SLC35B3: variants seen among roughly 807,000 people sequenced by gnomAD.
SLC35B3 encodes solute carrier family 35 member B3, also known as adenosine 3'-phospho 5'-phosphosulfate transporter 2.
A neutral mutation model predicts 44.1 loss-of-function variants in SLC35B3; 35 were observed. The ratio of observed to expected loss-of-function variants is 0.79; its 90% CI spans 0.61 to 1.05. The LOEUF (loss-of-function observed/expected upper bound fraction) is 1.05. Among genes scored for constraint, SLC35B3 ranks in the 50% least tolerant of loss-of-function variants. SLC35B3 has a pLI of 0.00. For synonymous variants in SLC35B3, 146 were observed against 167.3 expected, an observed-to-expected ratio of 0.87 and a Z score of 0.98; for missense variants, 414 against 476.4, an observed-to-expected ratio of 0.87 and a Z score of 1.22.
chr6:8,422,789 G>A (rs1763021915), intron 4 of SLC35B3, among the ~76,000 whole-genome samples, 165 bp from the exon 4 acceptor site: 1 of 151,958 alleles, frequency 6.6e-6, no homozygotes, highest in Non-Finnish European at 1.5e-5. Flanking sequence ...TAATGCTCTT[G>A]TATAAAAAAG....
In SLC35B3 at chr6:8,413,227, A is replaced by C. The variant is rs1762118525; in HGVS notation, c.*322T>G. 1 of 212,922 alleles carries C rather than the reference A, an allele frequency of 4.7e-6. No individual in the cohort carries two copies. The highest frequency in any genetic ancestry group is 1.3e-4 in the East Asian group (1 of 7,712). The allele number at this position is 212,922 out of a possible 1,614,324, so 13.2% of individuals were successfully genotyped here. On this transcript the variant is annotated 3_prime_UTR_variant, in exon 11 of 11. Transcript: ENST00000644923. ...GCTATTACGTATCGATTTCTTTGAT[A>C]GGATATAATTATAGCCAATTAGTCT...
Position 8,430,118 on chromosome 6 carries a change from C to T in SLC35B3, c.43G>A (p.Val15Ile), listed in dbSNP as rs566367878. 1.2e-6 allele frequency: 2 copies of T among 1,606,352 alleles called. No individual in the cohort carries two copies. The highest frequency in any genetic ancestry group is 2.7e-5 in the African/African-American group (2 of 74,578). Reference sequence around the variant, plus strand: ...GAGTTATTTTTGTTGGTTTCCTGGACTGTTATGTTCTGTATGTCTTTTGCT... The same window carrying T: ...GAGTTATTTTTGTTGGTTTCCTGGATTGTTATGTTCTGTATGTCTTTTGCT... The change falls in exon 3 of 11, where the codon GTC (valine) becomes ATC (isoleucine). Residue 15 changes from valine to isoleucine, a missense_variant. Coordinates refer to ENST00000644923, the MANE Select transcript of SLC35B3 (RefSeq NM_001370476.2).
intron 7 of SLC35B3, 125 bp from the exon 7 acceptor site, chr6:8,417,619 C>T: frequency 1.8e-6 from 1 of 541,708 alleles, no homozygotes; most frequent in Non-Finnish European, 3.2e-6. Context: ...ATTATAATTT[C>T]AATATGGCCT....
In SLC35B3 at chr6:8,420,894, T is replaced by C. The variant is rs1762833260; in HGVS notation, c.575-66A>G. 4 of 1,244,024 alleles carry C rather than the reference T, an allele frequency of 3.2e-6. No individual in the cohort carries two copies. The highest frequency in any genetic ancestry group is 1.4e-5 in the South Asian group (1 of 73,400). 77.1% of individuals were successfully genotyped at this position (1,244,024 alleles called of 1,614,324 possible). ...CCCACCCAGCTTTATATTTGCTCTATGTGTTAAGTAGAACATGGATTTGTT... is the reference window on the plus strand; with the variant it reads ...CCCACCCAGCTTTATATTTGCTCTACGTGTTAAGTAGAACATGGATTTGTT... On this transcript the variant is annotated intron_variant, in intron 5 of 10. Coordinates refer to ENST00000644923, the MANE Select transcript of SLC35B3 (RefSeq NM_001370476.2). This position sits in a 1 kb window ranked among gnomAD's most constrained non-coding sequence, Gnocchi z 4.4.
chr6:8,413,796 G>T, intron 10 of SLC35B3, 97 bp from the exon 10 acceptor site: 2 of 710,400 alleles, frequency 2.8e-6, no homozygotes, highest in Middle Eastern at 4.1e-4. Context: ...TAATTCTTCA[G>T]TGAAGTAAAA....
chr6:8,424,365 G>A (rs1173261278), intron 4 of SLC35B3, among the ~76,000 whole-genome samples: 6 of 152,118 alleles, frequency 3.9e-5, no homozygotes, highest in African/African-American at 1.4e-4. Flanking sequence ...CCATTCTCCT[G>A]CCTCAGCCTC....
chr6:8,417,526 T>C lies in SLC35B3; in HGVS notation c.781-32A>G, dbSNP rs760547961. 3 of 1,343,168 alleles carry C rather than the reference T, an allele frequency of 2.2e-6. No homozygotes were observed. The South Asian group carries it at 4.0e-5, about 18-fold the overall frequency. 83.2% of individuals were successfully genotyped at this position (1,343,168 alleles called of 1,614,324 possible). On this transcript the variant is annotated intron_variant, in intron 7 of 10. Transcript: ENST00000644923. ...CAGATAAAAATAAAGCAGAAAAAAG[T>C]ACTATGAAACTGAAAATGGAAGATT...
intron 4 of SLC35B3, among the ~76,000 whole-genome samples, chr6:8,426,433 A>T (rs1250184049): frequency 6.6e-6 from 1 of 152,150 alleles, no homozygotes; most frequent in African/African-American, 2.4e-5. Flanking sequence ...AGTGGGAGGT[A>T]ATTTGAATCA....
In SLC35B3 at chr6:8,434,762, A is replaced by G. The variant is rs898609542; in HGVS notation, c.-43-332T>C. ...TCAACACTTAAGATTTTGTTAGCGC[A>G]CCAAATCATTCCATCTTTTACTTTC... On this transcript the variant is annotated intron_variant, in intron 1 of 10. Coordinates refer to ENST00000644923, the MANE Select transcript of SLC35B3 (RefSeq NM_001370476.2). This position sits in a 1 kb window ranked among gnomAD's most constrained non-coding sequence, Gnocchi z 6.3. Among the ~76,000 whole-genome samples the G allele has an allele frequency of 7.2e-5, 11 of 152,344 alleles. No homozygotes were observed. Among genetic ancestry groups the G allele is most frequent in the African/African-American group, 2.6e-4 (11 of 41,578 alleles).
intron 4 of SLC35B3, 127 bp downstream of exon 3, chr6:8,427,806 AAGTT>A (rs1192309518): frequency 2.1e-5 from 14 of 665,004 alleles, no homozygotes; most frequent in African/African-American, 3.7e-5. Flanking sequence ...ATTTAGTATT[AAGTT>A]AGTTACACTA....
Position 8,435,525 on chromosome 6 carries a change from G to A in SLC35B3, c.-226C>T. ...GAAAGCACTCTCAACTCCGGCGCCC[G>A]CAGGCCACTTCCGCCTATGTGTCCC... On this transcript the variant is annotated 5_prime_UTR_variant, in exon 1 of 11. Coordinates refer to ENST00000644923, the MANE Select transcript of SLC35B3 (RefSeq NM_001370476.2). The surrounding 1 kb of genome is among the most constrained non-coding windows in gnomAD (Gnocchi z 5.5). The A allele has an allele frequency of 3.9e-6, 2 of 513,510 alleles. No homozygotes were observed. The highest frequency in any genetic ancestry group is 6.4e-6 in the Non-Finnish European group (2 of 314,312). The allele number at this position is 513,510 out of a possible 1,614,324, so 31.8% of individuals were successfully genotyped here.
intron 2 of SLC35B3, 143 bp from the exon 2 acceptor site, chr6:8,430,300 A>G: frequency 1.4e-6 from 1 of 728,512 alleles, no homozygotes; most frequent in Non-Finnish European, 2.1e-6. Context: ...CTAGGTTCCA[A>G]ATCACCAAAA....
intron 9 of SLC35B3, among the ~76,000 whole-genome samples, chr6:8,415,225 C>G (rs1361376259): frequency 2.0e-5 from 3 of 152,066 alleles, no homozygotes; most frequent in African/African-American, 7.2e-5. Context: ...TAAAGTACAA[C>G]TGTAGTAAGT....
chr6:8,423,859 T>C (rs751164746), intron 4 of SLC35B3, among the ~76,000 whole-genome samples: 2 of 152,210 alleles, frequency 1.3e-5, no homozygotes, highest in East Asian at 1.9e-4. Flanking sequence ...TCAGTGTAAA[T>C]GCGTTCATGC....
In SLC35B3 at chr6:8,417,466, A is replaced by C. The variant is rs1762516881; in HGVS notation, c.809T>G (p.Val270Gly). The change falls in exon 8 of 11, where the codon GTA (valine) becomes GGA (glycine). Residue 270 changes from valine to glycine, a missense_variant. Transcript: ENST00000644923. ...GCATGTCAATCCCAGTAAAATGTAT[A>C]CAAAACCAATTGAATACGAATACAA... 1 of 1,601,730 alleles carries C rather than the reference A, an allele frequency of 6.2e-7. No homozygotes were observed. The highest frequency in any genetic ancestry group is 1.3e-5 in the African/African-American group (1 of 74,314).
Position 8,428,061 on chromosome 6 carries a change from G to A in SLC35B3, c.298-3C>T, listed in dbSNP as rs1763606095. 1 of 1,581,930 alleles carries A rather than the reference G, an allele frequency of 6.3e-7. No individual in the cohort carries two copies. The highest frequency in any genetic ancestry group is 1.4e-5 in the African/African-American group (1 of 73,646). On this transcript the variant is annotated splice_region_variant and splice_polypyrimidine_tract_variant and intron_variant, in intron 3 of 10. Transcript: ENST00000644923. ...CCCTCCACTGAAAATATTAATTCCT[G>A]TCAAAAGACACATGAACACTGTTAA...
chr6:8,425,796 T>C (rs1304106673), intron 4 of SLC35B3, among the ~76,000 whole-genome samples: 4 of 152,192 alleles, frequency 2.6e-5, no homozygotes, highest in Admixed American at 6.5e-5. Flanking sequence ...ATACACGATA[T>C]ATACACACAT....
In SLC35B3 at chr6:8,422,588, TAGAA is replaced by T; in HGVS notation, c.452_455del (p.Phe151Ter). 6.2e-7 allele frequency: 1 copy of T among 1,612,342 alleles called. No homozygotes were observed. Among genetic ancestry groups the T allele is most frequent in the Non-Finnish European group, 8.5e-7 (1 of 1,179,396 alleles). ...TTGATAACCCCATAGTACCCACAGT[TAGAA>T]AAGCTATTATCATGTAGGTTTTTCC... On this transcript the variant is annotated frameshift_variant, in exon 5 of 11. Transcript: ENST00000644923. LOFTEE classifies it high-confidence loss of function.
Position 8,434,488 on chromosome 6 carries a change from C to T in SLC35B3, c.-43-58G>A. Reference sequence around the variant, plus strand: ...AAGTTCCATCTCATTTCTTTGTACACACATCATTACACAAAGGTGGAGAAA... The same window carrying T: ...AAGTTCCATCTCATTTCTTTGTACATACATCATTACACAAAGGTGGAGAAA... On this transcript the variant is annotated intron_variant, in intron 1 of 10. Coordinates refer to ENST00000644923, the MANE Select transcript of SLC35B3 (RefSeq NM_001370476.2). This position sits in a 1 kb window ranked among gnomAD's most constrained non-coding sequence, Gnocchi z 6.3. The T allele has an allele frequency of 7.1e-7, 1 of 1,398,688 alleles. No homozygotes were observed. Among genetic ancestry groups the T allele is most frequent in the East Asian group, 2.3e-5 (1 of 42,868 alleles). The allele number at this position is 1,398,688 out of a possible 1,614,324, so 86.6% of individuals were successfully genotyped here.
Sources: allele counts gnomAD v4.1 joint callset (sites outside exome capture counted in the v4.1 genomes callset), GRCh38; gene constraint gnomAD v4.1.1; non-coding constraint Gnocchi (gnomAD v3.1); transcripts MANE v1.5; gene names NCBI Gene and HGNC (gene_info 2026-07-23, HGNC 2026-07-21).